The following CYP7B1 variants were observed in gnomAD, a reference collection of about 807,000 sequenced individuals.
CYP7B1 encodes cytochrome P450 family 7 subfamily B member 1.
A neutral mutation model predicts 42.7 loss-of-function variants in CYP7B1; 29 were observed. The ratio of observed to expected loss-of-function variants is 0.68; its 90% confidence interval spans 0.51 to 0.93. The LOEUF (loss-of-function observed/expected upper bound fraction) is 0.93, where lower values mean the gene tolerates loss of function less well. Among genes scored for constraint, CYP7B1 ranks in the 40% least tolerant of loss-of-function variants. The pLI is 0.00. For synonymous variants in CYP7B1, 235 were observed against 218.2 expected (o/e 1.08, Z -0.68); for missense variants, 655 against 600.5 (o/e 1.09, Z -0.95).
At chr8:64,700,451 C>T (rs1337057570) in intron 1 of CYP7B1, among the ~76,000 whole-genome samples, 1 of 152,092 alleles carries the variant, frequency 6.6e-6, no homozygotes. Flanking sequence ...TTGAGAGAAG[C>T]TTGCTTCCCA....
intron 1 of CYP7B1, among the ~76,000 whole-genome samples, chr8:64,635,461 A>G (rs1446058780): frequency 1.3e-5 from 2 of 152,254 alleles, no homozygotes; most frequent in Admixed American, 6.5e-5. Flanking sequence ...CTTCTGCACC[A>G]GTCTAGAAAG....
intron 1 of CYP7B1, among the ~76,000 whole-genome samples, chr8:64,769,363 T>C (rs1054685580): frequency 4.9e-4 from 75 of 152,222 alleles, no homozygotes; most frequent in South Asian, 6.2e-4. Flanking sequence ...TTGTGAAAGA[T>C]GAAGTAGGAA....
rs780167213 is a variant in CYP7B1 at position 64,616,277 on chromosome 8, C to T, written c.264G>A (p.Lys88=). 9 of 1,557,090 alleles carry T rather than the reference C, an allele frequency of 5.8e-6. No homozygotes were observed. Among genetic ancestry groups the T allele is most frequent in the Non-Finnish European group, 7.9e-6 (9 of 1,141,020 alleles). ...AGGGGTCCAGGATAAATGTTATGTACTTTCCTAGAAAAAAAAAAAGAGAGA... is the reference window on the plus strand; with the variant it reads ...AGGGGTCCAGGATAAATGTTATGTATTTTCCTAGAAAAAAAAAAAGAGAGA... The part of the protein sequence containing the change: ...GDTFTVLLGG[K]YITFILDPFQ... Residue 88 remains lysine, a synonymous_variant, in exon 3 of 6, where the codon AAG becomes AAA. Transcript: ENST00000310193.
chr8:64,781,770 T>C (rs1034578575), intron 1 of CYP7B1, among the ~76,000 whole-genome samples: 1 of 152,162 alleles, frequency 6.6e-6, no homozygotes, highest in Non-Finnish European at 1.5e-5. Context: ...AACATATTCA[T>C]AGGTTCTGAA....
At chr8:64,795,620 C>CA (rs1018225700) in intron 1 of CYP7B1, among the ~76,000 whole-genome samples, 1 of 151,438 alleles carries the variant, frequency 6.6e-6, no homozygotes, top group Admixed American at 6.6e-5. Context: ...AACCCAAAAC[C>CA]AAAAAAAAGG....
intron 1 of CYP7B1, among the ~76,000 whole-genome samples, chr8:64,639,006 T>C (rs1377366192): frequency 1.3e-5 from 2 of 152,016 alleles, no homozygotes; most frequent in African/African-American, 4.8e-5. Flanking sequence ...GGTTCTAGTG[T>C]CTCTCTCTCC....
intron 1 of CYP7B1, among the ~76,000 whole-genome samples, chr8:64,736,328 A>G (rs1807487186): frequency 6.6e-6 from 1 of 152,222 alleles, no homozygotes; most frequent in Admixed American, 6.5e-5. Context: ...CTCTTATGGA[A>G]TGTTCAGATG....
At chr8:64,796,709 T>G (rs1259471775) in intron 1 of CYP7B1, among the ~76,000 whole-genome samples, 1 of 152,220 alleles carries the variant, frequency 6.6e-6, no homozygotes, top group East Asian at 1.9e-4. Context: ...AATAATGACT[T>G]CTATAAACTG....
At chr8:64,719,708 G>T (rs74439260) in intron 1 of CYP7B1, among the ~76,000 whole-genome samples, 6,033 of 152,242 alleles carry the variant, frequency 0.04, 403 homozygotes, top group African/African-American at 0.14. Flanking sequence ...TCTGTCTTGC[G>T]TCTTCATTGG....
intron 1 of CYP7B1, among the ~76,000 whole-genome samples, chr8:64,688,721 T>A (rs1259896885): frequency 1.3e-5 from 2 of 151,960 alleles, no homozygotes; most frequent in Non-Finnish European, 2.9e-5. Flanking sequence ...GCCCAGGAGT[T>A]CAAAACTGGC....
At chr8:64,756,582 A>ACGGCGAGAAG (rs1272496139) in intron 1 of CYP7B1, among the ~76,000 whole-genome samples, 5 of 152,204 alleles carry the variant, frequency 3.3e-5, no homozygotes, top group African/African-American at 1.2e-4. Context: ...AGAACAAGGC[A>ACGGCGAGAAG]CGGCGAGAAG....
At chr8:64,634,501 C>A (rs1410501023) in intron 1 of CYP7B1, among the ~76,000 whole-genome samples, 1 of 151,354 alleles carries the variant, frequency 6.6e-6, no homozygotes, top group Non-Finnish European at 1.5e-5. Flanking sequence ...ATCGCTTGAA[C>A]CTGGGAGATG....
chr8:64,768,674 T>C (rs184887747), intron 1 of CYP7B1, among the ~76,000 whole-genome samples: 28 of 152,358 alleles, frequency 1.8e-4, no homozygotes, highest in Admixed American at 7.8e-4. Context: ...ATAAGTCTTA[T>C]TGTGTCCAAT....
intron 1 of CYP7B1, among the ~76,000 whole-genome samples, chr8:64,672,154 G>A (rs924164298): frequency 1.3e-5 from 2 of 152,114 alleles, no homozygotes; most frequent in East Asian, 1.9e-4. Flanking sequence ...ATATGATCTT[G>A]TAGAAGACTG....
intron 1 of CYP7B1, among the ~76,000 whole-genome samples, chr8:64,674,044 G>A (rs1402099035): frequency 6.6e-6 from 1 of 151,970 alleles, no homozygotes; most frequent in Non-Finnish European, 1.5e-5. Flanking sequence ...TGGCCCTCTG[G>A]AACTGAGCAA....
chr8:64,687,122 C>A, intron 1 of CYP7B1, among the ~76,000 whole-genome samples: 1 of 142,858 alleles, frequency 7.0e-6, no homozygotes, highest in African/African-American at 2.6e-5. Flanking sequence ...CAAGAATTAT[C>A]AATAAAAAAA....
rs762466567 is a variant in CYP7B1 at position 64,604,718 on chromosome 8, G to C, written c.1197C>G (p.Val399=). 1 of 1,614,120 alleles carries C rather than the reference G, an allele frequency of 6.2e-7. No individual in the cohort carries two copies. The highest frequency in any genetic ancestry group is 8.5e-7 in the Non-Finnish European group (1 of 1,180,018). Residue 399 remains valine (V), a synonymous_variant, in exon 5 of 6, where the codon GTC becomes GTG. Transcript: ENST00000310193. ...KGDLVAIFPP[V]LHGDPEIFEA... Reference sequence around the variant, plus strand: ...CAAAGATTTCAGGGTCACCATGTAGGACTGGAGGAAAGATGGCTACCAAGT... The same window carrying C: ...CAAAGATTTCAGGGTCACCATGTAGCACTGGAGGAAAGATGGCTACCAAGT...
chr8:64,703,309 G>A (rs1272484968), intron 1 of CYP7B1, among the ~76,000 whole-genome samples: 1 of 152,000 alleles, frequency 6.6e-6, no homozygotes, highest in South Asian at 2.1e-4. Context: ...AAATTATCTT[G>A]ATTTGCTTGA....
Position 64,592,508 on chromosome 8 carries a change from G to C in CYP7B1, c.*4134C>G, listed in dbSNP as rs1328762676. Reference sequence around the variant, plus strand: ...CAAATAGTATGTTCTTGAAGGGGAAGGGGAATCCAGTGTCTAGCATCAATC... The same window carrying C: ...CAAATAGTATGTTCTTGAAGGGGAACGGGAATCCAGTGTCTAGCATCAATC... On this transcript the variant is annotated 3_prime_UTR_variant, in exon 6 of 6. Coordinates refer to ENST00000310193, the MANE Select transcript of CYP7B1 (RefSeq NM_004820.5). Among the ~76,000 whole-genome samples the C allele has an allele frequency of 1.3e-5, 2 of 152,262 alleles. No homozygotes were observed. Among genetic ancestry groups the C allele is most frequent in the African/African-American group, 4.8e-5 (2 of 41,554 alleles).
Sources: allele counts gnomAD v4.1 joint callset (sites outside exome capture counted in the v4.1 genomes callset), GRCh38; gene constraint gnomAD v4.1.1; transcripts MANE v1.5; gene names NCBI Gene and HGNC (gene_info 2026-07-23, HGNC 2026-07-21).